The following HEMK2 variants were observed in gnomAD, a reference collection of about 807,000 sequenced individuals.
The protein encoded by HEMK2 is HemK methyltransferase 2, ETF1 glutamine and histone H4 lysine, also known as methyltransferase HEMK2.
At chr21:28,703,506 A>T in the HEMK2 span, among the ~76,000 whole-genome samples, 2 of 152,136 alleles carry the variant, frequency 1.3e-5, no homozygotes, top group African/African-American at 4.8e-5. Flanking sequence ...TTTCTAACAT[A>T]GTCTTTACAA....
the HEMK2 span, among the ~76,000 whole-genome samples, chr21:28,798,894 T>C: frequency 1.3e-5 from 2 of 152,180 alleles, no homozygotes; most frequent in African/African-American, 4.8e-5. Context: ...TGCAGCAAAA[T>C]GCATCCCTAT....
the HEMK2 span, among the ~76,000 whole-genome samples, chr21:28,805,692 T>A: frequency 6.6e-6 from 1 of 152,078 alleles, no homozygotes. Flanking sequence ...CCGAAACTAG[T>A]GTATTTATAG....
the HEMK2 span, among the ~76,000 whole-genome samples, chr21:28,714,749 G>A: frequency 6.6e-6 from 1 of 152,146 alleles, no homozygotes; most frequent in South Asian, 2.1e-4. Flanking sequence ...TCGTCACCCA[G>A]GTAGGGAGCA....
the HEMK2 span, among the ~76,000 whole-genome samples, chr21:28,733,472 C>T: frequency 1.2e-4 from 19 of 152,150 alleles, no homozygotes; most frequent in African/African-American, 4.3e-4. Context: ...CCAATAACTG[C>T]CTCTTCCTGG....
the HEMK2 span, chr21:28,874,417 G>A: frequency 6.6e-6 from 1 of 152,280 alleles, no homozygotes; most frequent in Non-Finnish European, 1.5e-5. Flanking sequence ...ACTGACTGAT[G>A]ACCCTGGGGA....
the HEMK2 span, among the ~76,000 whole-genome samples, chr21:28,577,688 T>C: frequency 2.0e-5 from 3 of 152,210 alleles, no homozygotes; most frequent in East Asian, 5.8e-4. Flanking sequence ...TAATTTTTAG[T>C]ATCTATCCTA....
chr21:28,796,965 T>G, the HEMK2 span, among the ~76,000 whole-genome samples: 5 of 152,232 alleles, frequency 3.3e-5, no homozygotes, highest in African/African-American at 1.2e-4. Flanking sequence ...GTCACTATTT[T>G]GTATATTTAT....
At chr21:28,751,547 A>G in the HEMK2 span, among the ~76,000 whole-genome samples, 1 of 152,216 alleles carries the variant, frequency 6.6e-6, no homozygotes, top group South Asian at 2.1e-4. Flanking sequence ...TCTTTTTGAA[A>G]TCGTGTGTCT....
chr21:28,689,392 A>G, the HEMK2 span, among the ~76,000 whole-genome samples: 5 of 152,310 alleles, frequency 3.3e-5, no homozygotes, highest in South Asian at 8.3e-4. Context: ...TATTTCAGCT[A>G]AGAAAAAAAT....
At chr21:28,864,881 GAT>G in the HEMK2 span, among the ~76,000 whole-genome samples, 2 of 54,200 alleles carry the variant, frequency 3.7e-5, no homozygotes, top group South Asian at 1.1e-3. Context: ...ATGATAGGTA[GAT>G]ATAGATGATA....
At chr21:28,742,418 G>C in the HEMK2 span, among the ~76,000 whole-genome samples, 182 of 152,244 alleles carry the variant, frequency 1.2e-3, 1 homozygote, top group African/African-American at 4.1e-3. Flanking sequence ...CTTATCTCTA[G>C]GGACATAAAA....
the HEMK2 span, among the ~76,000 whole-genome samples, chr21:28,590,217 G>C: frequency 6.6e-6 from 1 of 152,128 alleles, no homozygotes. Context: ...GGGTAAGATT[G>C]ATAAGAAAAA....
At chr21:28,758,924 G>A in the HEMK2 span, among the ~76,000 whole-genome samples, 1 of 152,174 alleles carries the variant, frequency 6.6e-6, no homozygotes, top group Non-Finnish European at 1.5e-5. Flanking sequence ...CCTCTCCAGG[G>A]CTACCAATGT....
At chr21:28,593,274 G>A in the HEMK2 span, among the ~76,000 whole-genome samples, 1 of 152,098 alleles carries the variant, frequency 6.6e-6, no homozygotes, top group Non-Finnish European at 1.5e-5. Flanking sequence ...TAAATTTTAG[G>A]TTTAGACTTG....
At chr21:28,801,241 G>T in the HEMK2 span, among the ~76,000 whole-genome samples, 1 of 152,208 alleles carries the variant, frequency 6.6e-6, no homozygotes, top group African/African-American at 2.4e-5. Context: ...TGGGGGAAAG[G>T]TGCTACTCAA....
At chr21:28,753,431 A>G in the HEMK2 span, among the ~76,000 whole-genome samples, 2 of 152,070 alleles carry the variant, frequency 1.3e-5, no homozygotes, top group South Asian at 2.1e-4. Flanking sequence ...CTGCAATACT[A>G]GAGCATGTGC....
the HEMK2 span, among the ~76,000 whole-genome samples, chr21:28,700,265 C>A: frequency 6.6e-6 from 1 of 152,104 alleles, no homozygotes; most frequent in Non-Finnish European, 1.5e-5. Context: ...TGACAACTGT[C>A]CTCATCATAA....
At chr21:28,740,736 T>C in the HEMK2 span, among the ~76,000 whole-genome samples, 1 of 152,206 alleles carries the variant, frequency 6.6e-6, no homozygotes, top group African/African-American at 2.4e-5. Flanking sequence ...TTTATTCTTC[T>C]GGAGTCTGCT....
chr21:28,774,286 A>G, the HEMK2 span, among the ~76,000 whole-genome samples: 3 of 152,196 alleles, frequency 2.0e-5, no homozygotes, highest in Non-Finnish European at 2.9e-5. Context: ...AACTGTTACC[A>G]ATATTAAGAC....
Sources: gnomAD v4.1 joint callset for allele counts (sites outside exome capture counted in the v4.1 genomes callset) on GRCh38, gnomAD v4.1.1 for gene constraint, MANE v1.5 for transcripts, NCBI Gene and HGNC (gene_info 2026-07-23, HGNC 2026-07-21) for gene names.